SLC35F1: variants seen among roughly 807,000 people sequenced by gnomAD.
The protein encoded by SLC35F1 is solute carrier family 35 member F1.
A neutral mutation model predicts 48.7 loss-of-function variants in SLC35F1; 14 were observed. The ratio of observed to expected loss-of-function variants is 0.29; its 90% CI spans 0.19 to 0.45. The LOEUF (loss-of-function observed/expected upper bound fraction) is 0.45. Ranked by LOEUF, SLC35F1 falls within the 20% of genes least tolerant of loss-of-function variation. The probability of loss-of-function intolerance (pLI) is 1.00; values close to 1 mark genes in which losing one functional copy is unlikely to be tolerated. For missense variants in SLC35F1, 404 were observed against 500.0 expected, an observed-to-expected ratio of 0.81 and a Z score of 1.83; for synonymous variants, 190 against 202.2, an observed-to-expected ratio of 0.94 and a Z score of 0.51.
chr6:117,970,406 A>C (rs530783636), intron 1 of SLC35F1, among the ~76,000 whole-genome samples: 1 of 152,320 alleles, frequency 6.6e-6, no homozygotes, highest in East Asian at 1.9e-4. Context: ...TCTAGAATAT[A>C]ATAGACAGGT....
rs534628884 is a variant in SLC35F1 at position 118,043,806 on chromosome 6, G to A, written c.174-110639G>A. Among the ~76,000 whole-genome samples, 8 of 152,304 alleles carry A rather than the reference G, an allele frequency of 5.3e-5. 1 individual carries two copies. In the South Asian group the frequency reaches 1.2e-3, roughly 24 times the overall value. On this transcript the variant is annotated intron_variant, in intron 1 of 7. Transcript: ENST00000360388. The stretch of plus-strand genomic sequence containing the variant: ...AATTTTGCCAGACAGGCAGTGTGAA[G>A]AAATGTTCTAAAGTTTTTGCTCAGA...
At chr6:118,083,259 TTGA>T (rs1300719220) in intron 1 of SLC35F1, among the ~76,000 whole-genome samples, 1 of 152,144 alleles carries the variant, frequency 6.6e-6, no homozygotes, top group Admixed American at 6.6e-5. Context: ...CCAAACTGAA[TTGA>T]TGAAGTAAAC....
rs1195526671 is a variant in SLC35F1, at chr6:117,990,255, T to C, written c.173+82356T>C. Among the ~76,000 whole-genome samples the C allele has an allele frequency of 2.0e-5, 3 of 152,152 alleles. No homozygotes were observed. The East Asian group carries it at 5.8e-4, about 29-fold the overall frequency. On this transcript the variant is annotated intron_variant, in intron 1 of 7. Transcript: ENST00000360388. The stretch of plus-strand genomic sequence containing the variant: ...ATCCTGAGCTTTAGAGTCACAGTTA[T>C]TTTATCTAGGAAATAACCAGACCTG...
intron 1 of SLC35F1, among the ~76,000 whole-genome samples, chr6:118,094,962 C>T (rs928946881): frequency 3.0e-4 from 39 of 128,730 alleles, no homozygotes; most frequent in Non-Finnish European, 4.6e-4. Context: ...AGCGAGACTC[C>T]GTCTAAAAAA....
At chr6:118,230,289 G>A (rs963443551) in intron 2 of SLC35F1, among the ~76,000 whole-genome samples, 8 of 151,324 alleles carry the variant, frequency 5.3e-5, no homozygotes, top group Non-Finnish European at 7.4e-5. Flanking sequence ...GCAGTGAGCC[G>A]AGATTACACC....
At chr6:117,935,620 C>T (rs1021341214) in intron 1 of SLC35F1, among the ~76,000 whole-genome samples, 1 of 152,190 alleles carries the variant, frequency 6.6e-6, no homozygotes, top group African/African-American at 2.4e-5. Context: ...ACCAAGACTA[C>T]TACTTCAGCA....
At chr6:118,230,167 T>C (rs1562332709) in intron 2 of SLC35F1, among the ~76,000 whole-genome samples, 1 of 151,844 alleles carries the variant, frequency 6.6e-6, no homozygotes, top group Non-Finnish European at 1.5e-5. Context: ...TGGTGAAACC[T>C]CATCTCTACT....
intron 1 of SLC35F1, among the ~76,000 whole-genome samples, chr6:118,097,188 G>A (rs907570387): frequency 3.3e-5 from 5 of 152,070 alleles, no homozygotes; most frequent in Non-Finnish European, 7.4e-5. Flanking sequence ...GACCTACAAA[G>A]TTCCCCCTCA....
intron 2 of SLC35F1, among the ~76,000 whole-genome samples, chr6:118,226,915 A>G (rs1230273159): frequency 6.6e-6 from 1 of 152,242 alleles, no homozygotes; most frequent in Non-Finnish European, 1.5e-5. Flanking sequence ...CCCTAATTTG[A>G]TTACAGGAAT....
intron 2 of SLC35F1, among the ~76,000 whole-genome samples, chr6:118,182,414 C>A (rs1464265496): frequency 1.3e-5 from 2 of 151,088 alleles, no homozygotes; most frequent in Non-Finnish European, 1.5e-5. Flanking sequence ...CTTGTTTAAG[C>A]CCCAGCAATT....
At chr6:118,051,035 A>G (rs1367237553) in intron 1 of SLC35F1, among the ~76,000 whole-genome samples, 8 of 152,144 alleles carry the variant, frequency 5.3e-5, no homozygotes, top group Non-Finnish European at 1.0e-4. Flanking sequence ...GATATACAAA[A>G]ATTGTACATA....
chr6:118,235,153 G>A (rs1775345822), intron 2 of SLC35F1, among the ~76,000 whole-genome samples: 1 of 152,106 alleles, frequency 6.6e-6, no homozygotes, highest in African/African-American at 2.4e-5. Context: ...AATTTAGAAT[G>A]ATTTGGAATG....
At chr6:117,999,591 T>TA in intron 1 of SLC35F1, 1 of 599,482 alleles carries the variant, frequency 1.7e-6, no homozygotes, top group Non-Finnish European at 2.8e-6. Flanking sequence ...AAGAAATACC[T>TA]AAAATCAGAG....
intron 1 of SLC35F1, among the ~76,000 whole-genome samples, chr6:118,115,393 GAGGAATCA>G (rs1773463493): frequency 6.6e-6 from 1 of 152,202 alleles, no homozygotes; most frequent in African/African-American, 2.4e-5. Flanking sequence ...TGAGGTGATG[GAGGAATCA>G]AGGACAGAGT....
chr6:118,221,712 C>T (rs554838959), intron 2 of SLC35F1, among the ~76,000 whole-genome samples: 2 of 152,334 alleles, frequency 1.3e-5, no homozygotes, highest in African/African-American at 4.8e-5. Context: ...TGTGGCACTA[C>T]ATCAGCTTCA....
At chr6:118,227,812 A>C (rs1775238229) in intron 2 of SLC35F1, among the ~76,000 whole-genome samples, 1 of 152,224 alleles carries the variant, frequency 6.6e-6, no homozygotes, top group Admixed American at 6.5e-5. Flanking sequence ...GTGGGAGGTA[A>C]CATTTAGACT....
chr6:118,299,811 T>C (rs1249654506), intron 7 of SLC35F1, among the ~76,000 whole-genome samples: 1 of 152,176 alleles, frequency 6.6e-6, no homozygotes, highest in Non-Finnish European at 1.5e-5. Context: ...TCATCCAGGC[T>C]CACAGACCCC....
Position 118,037,875 on chromosome 6 carries a change from G to A in SLC35F1, c.174-116570G>A, listed in dbSNP as rs142767582. On this transcript the variant is annotated intron_variant, in intron 1 of 7. Transcript: ENST00000360388. ...CACACACTGGGGCCTGTTGGGGGGT[G>A]GGGGGCAAGAGGAGGGAGACCATTA... Among the ~76,000 whole-genome samples the A allele has an allele frequency of 4.2e-3, 634 of 151,908 alleles. 6 individuals carry two copies. Among genetic ancestry groups the A allele is most frequent in the African/African-American group, 0.015 (610 of 41,398 alleles).
chr6:118,113,092 A>G (rs182715845), intron 1 of SLC35F1, among the ~76,000 whole-genome samples: 49 of 152,136 alleles, frequency 3.2e-4, no homozygotes, highest in Middle Eastern at 3.4e-3. Context: ...TTTTTAATGT[A>G]TTTTTATTTA....
Sources: allele counts gnomAD v4.1 joint callset (sites outside exome capture counted in the v4.1 genomes callset), GRCh38; gene constraint gnomAD v4.1.1; transcripts MANE v1.5; gene names NCBI Gene and HGNC (gene_info 2026-07-23, HGNC 2026-07-21).